The following DAB1 variants were observed in gnomAD, a reference collection of about 807,000 sequenced individuals.
The protein encoded by DAB1 is DAB adaptor protein 1.
In DAB1, 15 loss-of-function variants were observed where a neutral mutation model predicts 64.6. That is an observed-to-expected ratio of 0.23 (90% CI 0.16 to 0.36). The LOEUF (loss-of-function observed/expected upper bound fraction) is 0.36, where lower values mean the gene tolerates loss of function less well. Among genes scored for constraint, DAB1 ranks in the 10% least tolerant of loss-of-function variants. The pLI is 1.00. For missense variants in DAB1, 596 were observed against 706.7 expected (o/e 0.84, Z 1.78); for synonymous variants, 235 against 251.9 (o/e 0.93, Z 0.64).
intron 4 of DAB1, among the ~76,000 whole-genome samples, chr1:58,274,131 C>G (rs1661371709): frequency 7.0e-6 from 1 of 142,464 alleles, no homozygotes; most frequent in Admixed American, 7.0e-5. Flanking sequence ...TTTTCCCCAT[C>G]TTTGTGGTTT....
chr1:58,311,900 T>C (rs959765222), intron 4 of DAB1, among the ~76,000 whole-genome samples: 4 of 152,020 alleles, frequency 2.6e-5, no homozygotes, highest in Admixed American at 2.0e-4. Flanking sequence ...ATGCTCTTAT[T>C]ACACCCATTT....
chr1:57,310,002 C>T (rs566718654), intron 1 of DAB1, among the ~76,000 whole-genome samples: 17 of 152,310 alleles, frequency 1.1e-4, no homozygotes, highest in African/African-American at 3.8e-4. Context: ...ACTCCAAACA[C>T]GTTTATTTAC....
intron 1 of DAB1, among the ~76,000 whole-genome samples, chr1:57,313,161 G>T (rs1374747656): frequency 6.6e-6 from 1 of 152,200 alleles, no homozygotes; most frequent in African/African-American, 2.4e-5. Context: ...AAGCTAGAGA[G>T]TGTGGGGTAA....
intron 7 of DAB1, among the ~76,000 whole-genome samples, chr1:57,564,281 T>A (rs1032586836): frequency 7.9e-5 from 12 of 151,976 alleles, no homozygotes; most frequent in African/African-American, 2.7e-4. Context: ...CAAAACCCCA[T>A]CTGTACATCA....
intron 6 of DAB1, among the ~76,000 whole-genome samples, chr1:57,734,706 G>C (rs148475648): frequency 1.3e-5 from 2 of 152,326 alleles, no homozygotes; most frequent in African/African-American, 4.8e-5. Context: ...GGGGTCCCCA[G>C]GGGACGGGAT....
chr1:57,557,000 T>C (rs1644996630), intron 7 of DAB1, among the ~76,000 whole-genome samples: 2 of 152,168 alleles, frequency 1.3e-5, no homozygotes, highest in South Asian at 2.1e-4. Flanking sequence ...GCACTGTTTG[T>C]TGAATAGGGT....
At chr1:58,136,409 T>C (rs908917505) in intron 5 of DAB1, among the ~76,000 whole-genome samples, 1 of 152,146 alleles carries the variant, frequency 6.6e-6, no homozygotes, top group African/African-American at 2.4e-5. Flanking sequence ...GTCCACAGCC[T>C]ATCAGAACCT....
intron 4 of DAB1, among the ~76,000 whole-genome samples, chr1:58,200,685 G>A (rs1241329371): frequency 2.6e-5 from 4 of 152,158 alleles, no homozygotes; most frequent in Non-Finnish European, 5.9e-5. Flanking sequence ...TAATTCAATT[G>A]ATTTTTTTTA....
intron 7 of DAB1, among the ~76,000 whole-genome samples, chr1:57,491,153 G>C (rs1644158416): frequency 6.6e-6 from 1 of 152,154 alleles, no homozygotes; most frequent in Non-Finnish European, 1.5e-5. Flanking sequence ...TTTTGGCTGG[G>C]CGCGGTGGCT....
At chr1:57,275,909 C>T (rs904432463) in intron 2 of DAB1, among the ~76,000 whole-genome samples, 1 of 152,202 alleles carries the variant, frequency 6.6e-6, no homozygotes, top group African/African-American at 2.4e-5. Flanking sequence ...AGTTCTGTAA[C>T]ACCACAGCTT....
At chr1:57,341,607 A>G (rs1055444673) in intron 1 of DAB1, among the ~76,000 whole-genome samples, 1 of 152,128 alleles carries the variant, frequency 6.6e-6, no homozygotes, top group African/African-American at 2.4e-5. Context: ...TCCTTCAAAA[A>G]CAGAGAGAGA....
intron 3 of DAB1, among the ~76,000 whole-genome samples, chr1:58,447,507 C>T (rs1645081177): frequency 6.6e-6 from 1 of 152,104 alleles, no homozygotes; most frequent in Non-Finnish European, 1.5e-5. Context: ...ATGTTGGGCA[C>T]CATTCTAGCT....
intron 7 of DAB1, among the ~76,000 whole-genome samples, chr1:57,476,847 T>C (rs188372824): frequency 6.6e-6 from 1 of 152,316 alleles, no homozygotes; most frequent in East Asian, 1.9e-4. Context: ...ATTTAATGAC[T>C]AAGTGCATAG....
At chr1:58,327,420 C>T (rs1662859356) in intron 4 of DAB1, among the ~76,000 whole-genome samples, 1 of 152,120 alleles carries the variant, frequency 6.6e-6, no homozygotes, top group African/African-American at 2.4e-5. Context: ...TGATCCCATT[C>T]CTACTCTTTC....
chr1:58,082,803 C>G (rs1487309336), intron 5 of DAB1, among the ~76,000 whole-genome samples: 7 of 151,978 alleles, frequency 4.6e-5, no homozygotes, highest in Admixed American at 4.6e-4. Context: ...ACACAGCAGA[C>G]AGGTGGGGGG....
intron 7 of DAB1, among the ~76,000 whole-genome samples, chr1:57,476,182 C>T (rs1296378328): frequency 6.7e-5 from 10 of 149,442 alleles, no homozygotes; most frequent in African/African-American, 2.0e-4. Flanking sequence ...GCCGAGGTCA[C>T]GCCACTGTAC....
intron 3 of DAB1, among the ~76,000 whole-genome samples, chr1:58,469,171 C>T (rs971662434): frequency 6.6e-6 from 1 of 152,166 alleles, no homozygotes; most frequent in Non-Finnish European, 1.5e-5. Context: ...AGGAATCTGC[C>T]ATCAGTGATC....
At chr1:57,723,340 G>A (rs1218037729) in intron 6 of DAB1, among the ~76,000 whole-genome samples, 6 of 151,836 alleles carry the variant, frequency 4.0e-5, no homozygotes, top group Admixed American at 3.9e-4. Context: ...TTAGTTCTAT[G>A]TACTCATATG....
At chr1:57,766,418 C>T (rs1183646028) in intron 6 of DAB1, among the ~76,000 whole-genome samples, 1 of 152,036 alleles carries the variant, frequency 6.6e-6, no homozygotes, top group African/African-American at 2.4e-5. Flanking sequence ...TCCTAATTTA[C>T]CACTCTTTTT....
Sources: gnomAD v4.1 joint callset for allele counts (sites outside exome capture counted in the v4.1 genomes callset) on GRCh38, gnomAD v4.1.1 for gene constraint, MANE v1.5 for transcripts, NCBI Gene and HGNC (gene_info 2026-07-23, HGNC 2026-07-21) for gene names.